Variants in CDHR1 observed in about 807,000 individuals in gnomAD.
The protein encoded by CDHR1 is cadherin-related family member 1.
A neutral mutation model predicts 72.1 loss-of-function variants in CDHR1; 61 were observed. The ratio of observed to expected loss-of-function variants is 0.85; its 90% confidence interval spans 0.69 to 1.05. The LOEUF (loss-of-function observed/expected upper bound fraction) is 1.05. Among genes scored for constraint, CDHR1 ranks in the 50% least tolerant of loss-of-function variants. The pLI, the probability that CDHR1 is intolerant of heterozygous loss-of-function variation, is 0.00. For missense variants in CDHR1, 1,186 were observed against 1,115.7 expected, an observed-to-expected ratio of 1.06 and a Z score of -0.90; for synonymous variants, 470 against 448.1, an observed-to-expected ratio of 1.05 and a Z score of -0.62.
intron 1 of CDHR1, 114 bp from the exon 2 acceptor site, chr10:84,195,380 C>T (rs1842009694): frequency 2.1e-6 from 2 of 964,864 alleles, no homozygotes; most frequent in African/African-American, 3.2e-5. Flanking sequence ...GGAGGCGGAG[C>T]GCCCTCCTGC....
chr10:84,216,613 C>T lies in CDHR1; in HGVS notation c.*1992C>T, dbSNP rs1351688440. 3 of 985,406 alleles carry T rather than the reference C, an allele frequency of 3.0e-6. No homozygotes were observed. Among genetic ancestry groups the T allele is most frequent in the Admixed American group, 6.1e-5 (1 of 16,278 alleles). 61.0% of individuals were successfully genotyped at this position (985,406 alleles called of 1,614,324 possible). ...TGACACACAGTGAAGCTCAACTTGC[C>T]TCCTGGCTGCTTCAGCAGGTGGATC... On this transcript the variant is annotated 3_prime_UTR_variant, in exon 17 of 17. Transcript: ENST00000623527.
chr10:84,195,375 C>A, intron 1 of CDHR1, 119 bp from the exon 2 acceptor site: 1 of 936,708 alleles, frequency 1.1e-6, no homozygotes, highest in Non-Finnish European at 1.7e-6. Context: ...GTTGGGGAGG[C>A]GGAGCGCCCT....
At chr10:84,195,447 G>A in intron 1 of CDHR1, 47 bp from the exon 2 acceptor site, 1 of 1,538,912 alleles carries the variant, frequency 6.5e-7, no homozygotes. Context: ...CCTGGTGTCT[G>A]GGTGTCCTTT....
chr10:84,214,867 C>G lies in CDHR1; in HGVS notation c.*246C>G. On this transcript the variant is annotated 3_prime_UTR_variant, in exon 17 of 17. Transcript: ENST00000623527. ...AGGATGCAATTGGCAAATACGTCCC[C>G]GTTACTCAAATCCTTGGCACTACTA... The G allele has an allele frequency of 2.1e-6, 3 of 1,443,110 alleles. No individual in the cohort carries two copies. Among genetic ancestry groups the G allele is most frequent in the Non-Finnish European group, 2.7e-6 (3 of 1,105,694 alleles). 89.4% of individuals were successfully genotyped at this position (1,443,110 alleles called of 1,614,324 possible). A position where few individuals can be genotyped will look rare whatever the true frequency, so the allele number is the denominator to read the frequency against.
chr10:84,207,569 T>C (rs1842249238), intron 10 of CDHR1, among the ~76,000 whole-genome samples: 1 of 152,210 alleles, frequency 6.6e-6, no homozygotes, highest in African/African-American at 2.4e-5. Context: ...ATCTGCCACA[T>C]GGTTCACAAG....
In CDHR1 at chr10:84,194,666, T is replaced by A; in HGVS notation, c.-95T>A. 19 of 685,038 alleles carry A rather than the reference T, an allele frequency of 2.8e-5. No individual in the cohort carries two copies. The highest frequency in any genetic ancestry group is 4.0e-5 in the African/African-American group (2 of 49,606). 42.4% of individuals were successfully genotyped at this position (685,038 alleles called of 1,614,324 possible). The stretch of plus-strand genomic sequence containing the variant: ...GCGGCTGCAGTCGCCGCTACCCCCA[T>A]TGTGGTCTCTGCCCTCCCCGCGGGC... On this transcript the variant is annotated 5_prime_UTR_variant, in exon 1 of 17. In the 5' UTR this introduces an upstream ATG that the reference lacks. Transcript: ENST00000623527.
chr10:84,211,674 G>C lies in CDHR1; in HGVS notation c.1512G>C (p.Trp504Cys). ...VTAVDPDTGPWGEVKYSTYGT... is the reference protein window; with the variant it reads ...VTAVDPDTGPCGEVKYSTYGT... The stretch of plus-strand genomic sequence containing the variant: ...CTGTGGATCCAGATACAGGACCCTG[G>C]GGCGAAGTGAAATATTCCACCTATG... Residue 504 changes from tryptophan (W) to cysteine (C), a missense_variant, in exon 14 of 17, where the codon TGG (tryptophan) becomes TGC (cysteine). Trp to Cys is a radical substitution (Grantham distance 215). Coordinates refer to ENST00000623527, the MANE Select transcript of CDHR1 (RefSeq NM_033100.4). The C allele has an allele frequency of 6.2e-7, 1 of 1,614,172 alleles. No individual in the cohort carries two copies. The highest frequency in any genetic ancestry group is 8.5e-7 in the Non-Finnish European group (1 of 1,180,016).
intron 12 of CDHR1, among the ~76,000 whole-genome samples, chr10:84,209,414 C>G (rs1207766709): frequency 2.0e-5 from 3 of 152,014 alleles, no homozygotes; most frequent in African/African-American, 4.8e-5. Flanking sequence ...TCTCCTATAG[C>G]CTGCATCATG....
Position 84,218,199 on chromosome 10 carries a change from G to T in CDHR1, c.*3578G>T. 1.0e-6 allele frequency: 1 copy of T among 985,430 alleles called. No homozygotes were observed. The allele number at this position is 985,430 out of a possible 1,614,324, so 61.0% of individuals were successfully genotyped here. On this transcript the variant is annotated 3_prime_UTR_variant, in exon 17 of 17. Transcript: ENST00000623527. ...GGAGACTGGCATGTGCCACATGGAG[G>T]ACCCCTTAGGAAACTCACAAACAAC...
rs1263548447 is a variant in CDHR1, at chr10:84,216,400, A to G, written c.*1779A>G. ...CAGACTGAGCAAATAAGTACTTTCC[A>G]GCCTGTGTTTCAGGAGAGGACTGTG... On this transcript the variant is annotated 3_prime_UTR_variant, in exon 17 of 17. Coordinates refer to ENST00000623527, the MANE Select transcript of CDHR1 (RefSeq NM_033100.4). The G allele has an allele frequency of 1.0e-6, 1 of 985,394 alleles. No individual in the cohort carries two copies. The highest frequency in any genetic ancestry group is 1.2e-6 in the Non-Finnish European group (1 of 829,966). The allele number at this position is 985,394 out of a possible 1,614,324, so 61.0% of individuals were successfully genotyped here. A position where few individuals can be genotyped will look rare whatever the true frequency, so the allele number is the denominator to read the frequency against.
chr10:84,198,254 C>T (rs1419845613), intron 4 of CDHR1, among the ~76,000 whole-genome samples: 3 of 152,216 alleles, frequency 2.0e-5, no homozygotes, highest in Non-Finnish European at 2.9e-5. Flanking sequence ...CCAGGCTCTC[C>T]GACCCCAACT....
At chr10:84,211,793 A>G in intron 14 of CDHR1, 78 bp downstream of exon 14, 2 of 1,270,472 alleles carry the variant, frequency 1.6e-6, no homozygotes, top group Middle Eastern at 3.7e-4. Flanking sequence ...TCTGTGGCAG[A>G]GGCAGGAGGG....
In CDHR1 at chr10:84,217,776, T is replaced by G; in HGVS notation, c.*3155T>G. On this transcript the variant is annotated 3_prime_UTR_variant, in exon 17 of 17. Coordinates refer to ENST00000623527, the MANE Select transcript of CDHR1 (RefSeq NM_033100.4). ...TTCATGCTAGAAAAAGAGAAGAGAG[T>G]GGATCCAGAGGGGAGTGGAGGACAG... The G allele has an allele frequency of 1.0e-6, 1 of 984,298 alleles. No individual in the cohort carries two copies. The highest frequency in any genetic ancestry group is 1.2e-6 in the Non-Finnish European group (1 of 829,682). 61.0% of individuals were successfully genotyped at this position (984,298 alleles called of 1,614,324 possible). A position where few individuals can be genotyped will look rare whatever the true frequency, so the allele number is the denominator to read the frequency against.
At chr10:84,210,415 A>G (rs1317763023) in intron 12 of CDHR1, among the ~76,000 whole-genome samples, 10 of 151,886 alleles carry the variant, frequency 6.6e-5, no homozygotes, top group Non-Finnish European at 1.5e-5. Flanking sequence ...ACAGACACAC[A>G]TCATCACACC....
chr10:84,205,958 C>T (rs1480028379), intron 10 of CDHR1, 31 bp downstream of exon 10: 1 of 1,533,716 alleles, frequency 6.5e-7, no homozygotes, highest in South Asian at 1.1e-5. Context: ...TCTTCCCTGC[C>T]CACCTTTGGC....
intron 8 of CDHR1, 139 bp downstream of exon 8, chr10:84,203,262 C>A: frequency 9.1e-7 from 1 of 1,104,840 alleles, no homozygotes; most frequent in Non-Finnish European, 1.3e-6. Context: ...TCTGGACTCA[C>A]CCAGCCTCAG....
intron 7 of CDHR1, 103 bp from the exon 8 acceptor site, chr10:84,202,876 TG>T: frequency 7.9e-7 from 1 of 1,261,274 alleles, no homozygotes; most frequent in Non-Finnish European, 1.2e-6. Context: ...AGAGGACAGC[TG>T]GCCTCACAGC....
In CDHR1 at chr10:84,208,311, G is replaced by A. The variant is rs750245106; in HGVS notation, c.1101G>A (p.Met367Ile). The change falls in exon 11 of 17, where the codon ATG (methionine) becomes ATA (isoleucine). Residue 367 changes from methionine (M) to isoleucine (I), a missense_variant. Transcript: ENST00000623527. Reference sequence around the variant, plus strand: ...CCCAAAACAGGTTTGAGCTGTCCATGAATGAGCACCCACCCCAGGGAGAGA... The same window carrying A: ...CCCAAAACAGGTTTGAGCTGTCCATAAATGAGCACCCACCCCAGGGAGAGA... ...SGPQNRFELSMNEHPPQGEIL... is the reference protein window; with the variant it reads ...SGPQNRFELSINEHPPQGEIL... 6.2e-7 allele frequency: 1 copy of A among 1,614,050 alleles called. No homozygotes were observed. Among genetic ancestry groups the A allele is most frequent in the Non-Finnish European group, 8.5e-7 (1 of 1,180,040 alleles).
intron 3 of CDHR1, among the ~76,000 whole-genome samples, chr10:84,197,123 C>T (rs1028374050): frequency 1.4e-4 from 22 of 152,082 alleles, no homozygotes; most frequent in African/African-American, 5.3e-4. Context: ...TTTTTCAGAC[C>T]GCATAGCAGC....
Sources: gnomAD v4.1 joint callset for allele counts (sites outside exome capture counted in the v4.1 genomes callset) on GRCh38, gnomAD v4.1.1 for gene constraint, MANE v1.5 for transcripts, NCBI Gene and HGNC (gene_info 2026-07-23, HGNC 2026-07-21) for gene names.